The following TAF2 variants were observed in gnomAD, a reference collection of about 807,000 sequenced individuals.
TAF2 encodes the protein TATA-box binding protein associated factor 2, also known as transcription initiation factor TFIID subunit 2.
Under a neutral mutation model 138.5 loss-of-function variants are expected in TAF2, and 61 were observed. The observed-to-expected ratio is 0.44, with a 90% CI of 0.36 to 0.54. TAF2 has a LOEUF of 0.54. Among genes scored for constraint, TAF2 ranks in the 20% least tolerant of loss-of-function variants. TAF2 has a pLI of 0.00. For synonymous variants in TAF2, 475 were observed against 469.9 expected (o/e 1.01, Z -0.14); for missense variants, 1,090 against 1,427.9 (o/e 0.76, Z 3.81).
chr8:119,801,393 T>C (rs1297417231), intron 6 of TAF2, among the ~76,000 whole-genome samples: 1 of 151,848 alleles, frequency 6.6e-6, no homozygotes, highest in Non-Finnish European at 1.5e-5. Context: ...TCTTGATAGT[T>C]GAAAAAAGAG....
rs769101902 is a variant in TAF2 at position 119,760,683 on chromosome 8, C to A, written c.2614G>T (p.Ala872Ser). Residue 872 changes from alanine (A) to serine (S), a missense_variant, in exon 20 of 26, where the codon GCT (alanine) becomes TCT (serine). Ala to Ser is a moderately conservative substitution (Grantham distance 99). Around this residue, in one of 3 missense-constraint regions of TAF2, gnomAD observed 580 missense variants for 719.6 expected, o/e 0.81. Coordinates refer to ENST00000378164, the MANE Select transcript of TAF2 (RefSeq NM_003184.4). ...QKNGHVPSDPALFKSYAEYGH... is the reference protein window; with the variant it reads ...QKNGHVPSDPSLFKSYAEYGH... The stretch of plus-strand genomic sequence containing the variant: ...TATTCAGCATAAGATTTAAAAAGAG[C>A]TGGATCACTTGGCACATGTCCGTTC... The A allele has an allele frequency of 4.3e-6, 7 of 1,613,952 alleles. No individual in the cohort carries two copies. In the Admixed American group the frequency reaches 8.3e-5, roughly 19 times the overall value.
At chr8:119,770,743 T>C (rs1341181255) in intron 18 of TAF2, among the ~76,000 whole-genome samples, 2 of 152,154 alleles carry the variant, frequency 1.3e-5, no homozygotes, top group African/African-American at 4.8e-5. Context: ...ATTTCAATAT[T>C]AACCTTGAAC....
At chr8:119,805,262 G>A (rs796617003) in intron 4 of TAF2, among the ~76,000 whole-genome samples, 6 of 152,284 alleles carry the variant, frequency 3.9e-5, no homozygotes, top group African/African-American at 1.4e-4. Flanking sequence ...GTGAAGTTCA[G>A]CAGGTCACTC....
rs900354692 is a variant in TAF2 at position 119,801,794 on chromosome 8, C to T, written c.792G>A (p.Glu264=). The change falls in exon 6 of 26, where the codon GAG becomes GAA. Residue 264 remains glutamate (E), a splice_region_variant and synonymous_variant. Transcript: ENST00000378164. ...FEILVDPYMH[E]VTHFCLPQLL... Reference sequence around the variant, plus strand: ...GTAAGAGAGGAAAGCTCTGACTTACCTCATGCATGTATGGATCTACCAGTA... The same window carrying T: ...GTAAGAGAGGAAAGCTCTGACTTACTTCATGCATGTATGGATCTACCAGTA... The T allele has an allele frequency of 6.2e-7, 1 of 1,613,218 alleles. No individual in the cohort carries two copies. The highest frequency in any genetic ancestry group is 8.5e-7 in the Non-Finnish European group (1 of 1,179,276).
intron 18 of TAF2, among the ~76,000 whole-genome samples, chr8:119,764,954 T>TA (rs1821321130): frequency 1.3e-5 from 2 of 152,046 alleles, no homozygotes; most frequent in South Asian, 4.1e-4. Context: ...AATTTTTTAT[T>TA]AAAAAAATAC....
At chr8:119,737,050 G>A (rs529871241) in intron 25 of TAF2, among the ~76,000 whole-genome samples, 1 of 152,166 alleles carries the variant, frequency 6.6e-6, no homozygotes, top group African/African-American at 2.4e-5. Context: ...ACATTGTAAG[G>A]GAGAAGAAAA....
chr8:119,762,560 A>G lies in TAF2; in HGVS notation c.2413T>C (p.Ser805Pro), dbSNP rs1821139379. The change falls in exon 19 of 26, where the codon TCT becomes CCT. Residue 805 changes from serine to proline, a missense_variant. Ser to Pro is a moderately conservative substitution (Grantham distance 74). Transcript: ENST00000378164. ...TTCACACTGACTGCAGGTGTAACAGAGTTGGCCAGGGCATCAATCATTTCT... is the reference window on the plus strand; with the variant it reads ...TTCACACTGACTGCAGGTGTAACAGGGTTGGCCAGGGCATCAATCATTTCT... ...RAEMIDALAN[S>P]VTPAVSVNNE... is the part of the protein sequence containing the mutation. 1 of 1,613,818 alleles carries G rather than the reference A, an allele frequency of 6.2e-7. No homozygotes were observed. The highest frequency in any genetic ancestry group is 8.5e-7 in the Non-Finnish European group (1 of 1,179,836).
intron 15 of TAF2, among the ~76,000 whole-genome samples, chr8:119,784,376 G>A (rs1387183124): frequency 1.3e-5 from 2 of 152,066 alleles, no homozygotes; most frequent in South Asian, 2.1e-4. Context: ...CCAACAAGGC[G>A]AAACCCCATC....
At chr8:119,755,979 A>T in intron 22 of TAF2, 27 bp downstream of exon 22, 1 of 1,520,792 alleles carries the variant, frequency 6.6e-7, no homozygotes, top group Non-Finnish European at 9.1e-7. Context: ...GTAATAATAA[A>T]AACAATTTAA....
intron 2 of TAF2, among the ~76,000 whole-genome samples, chr8:119,827,428 C>A (rs1365241741): frequency 6.6e-6 from 1 of 152,214 alleles, no homozygotes; most frequent in Non-Finnish European, 1.5e-5. Context: ...CCCCAAAGTG[C>A]ATGGAATGTA....
At chr8:119,823,849 A>G (rs1825936761) in intron 2 of TAF2, among the ~76,000 whole-genome samples, 1 of 152,180 alleles carries the variant, frequency 6.6e-6, no homozygotes, top group Non-Finnish European at 1.5e-5. Flanking sequence ...TGATATGGAC[A>G]ATAAGGCCCA....
chr8:119,822,587 G>C (rs1298880968), intron 2 of TAF2, among the ~76,000 whole-genome samples: 2 of 152,124 alleles, frequency 1.3e-5, no homozygotes, highest in Non-Finnish European at 2.9e-5. Flanking sequence ...AGATATGTCT[G>C]ATCCATCCAA....
intron 17 of TAF2, among the ~76,000 whole-genome samples, chr8:119,780,273 C>T (rs1489341047): frequency 6.6e-6 from 1 of 152,172 alleles, no homozygotes; most frequent in African/African-American, 2.4e-5. Flanking sequence ...CTAAAAATTC[C>T]ACTTATAGAA....
chr8:119,803,271 A>G (rs529994979), intron 5 of TAF2, among the ~76,000 whole-genome samples: 33 of 152,230 alleles, frequency 2.2e-4, no homozygotes, highest in Non-Finnish European at 4.4e-4. Context: ...ATCGAGCTTT[A>G]CATTCTGTGC....
intron 18 of TAF2, among the ~76,000 whole-genome samples, chr8:119,771,817 A>T (rs1286680979): frequency 6.6e-6 from 1 of 152,198 alleles, no homozygotes; most frequent in Non-Finnish European, 1.5e-5. Flanking sequence ...TCTGGACTTA[A>T]ACTAGAATCT....
rs1818855580 is a variant in TAF2, at chr8:119,731,119, GT to G, written c.*804del. ...TAATTTTGGAAACAGTATGTGTTGGGTGTGTAAATTGTCCACATTAAGCAAA... is the reference window on the plus strand; with the variant it reads ...TAATTTTGGAAACAGTATGTGTTGGGGTGTAAATTGTCCACATTAAGCAAA... On this transcript the variant is annotated 3_prime_UTR_variant, in exon 26 of 26. Transcript: ENST00000378164. 1 of 152,074 alleles carries G rather than the reference GT, an allele frequency of 6.6e-6. No individual in the cohort carries two copies. Among genetic ancestry groups the G allele is most frequent in the Non-Finnish European group, 1.5e-5 (1 of 68,002 alleles). The allele number at this position is 152,074 out of a possible 1,614,324, so 9.4% of individuals were successfully genotyped here.
intron 22 of TAF2, among the ~76,000 whole-genome samples, chr8:119,752,614 A>T (rs554452472): frequency 6.6e-6 from 1 of 152,208 alleles, no homozygotes; most frequent in Non-Finnish European, 1.5e-5. Flanking sequence ...ATTCTGTCTC[A>T]CTCTCAAATT....
chr8:119,762,279 C>CT, intron 19 of TAF2, 136 bp downstream of exon 19: 1 of 792,486 alleles, frequency 1.3e-6, no homozygotes, highest in Non-Finnish European at 2.0e-6. Flanking sequence ...AATAATTTAT[C>CT]TGTGGGTGGT....
chr8:119,749,740 G>GA lies in TAF2; in HGVS notation c.2879-2807dup, dbSNP rs199691934. Among the ~76,000 whole-genome samples the GA allele has an allele frequency of 9.1e-3, 1,389 of 152,170 alleles. 20 individuals are homozygous for GA. Among genetic ancestry groups the GA allele is most frequent in the African/African-American group, 0.032 (1,325 of 41,514 alleles). On this transcript the variant is annotated intron_variant, in intron 22 of 25. Transcript: ENST00000378164. ...ATCAATCCCATTGGAGAGAGGCCCT[G>GA]AACAGCCTCTGATTTCTGCCTTCAG...
Sources: allele counts gnomAD v4.1 joint callset (sites outside exome capture counted in the v4.1 genomes callset), GRCh38; gene constraint gnomAD v4.1.1; regional missense constraint gnomAD v4.1.1; transcripts MANE v1.5; gene names NCBI Gene and HGNC (gene_info 2026-07-23, HGNC 2026-07-21).